The following SLC9A9 variants were observed in gnomAD, a reference collection of about 807,000 sequenced individuals.
SLC9A9 encodes solute carrier family 9 member A9, also known as sodium/hydrogen exchanger 9.
Under a neutral mutation model 77.8 loss-of-function variants are expected in SLC9A9, and 62 were observed. The ratio of observed to expected loss-of-function variants is 0.80; its 90% CI spans 0.65 to 0.98. The LOEUF (loss-of-function observed/expected upper bound fraction) is 0.98. Ranked by LOEUF, SLC9A9 falls within the 50% of genes least tolerant of loss-of-function variation. The pLI is 0.00. For missense variants in SLC9A9, 775 were observed against 774.9 expected, an observed-to-expected ratio of 1.00 and a Z score of 0.00; for synonymous variants, 320 against 283.5, an observed-to-expected ratio of 1.13 and a Z score of -1.29.
chr3:143,566,249 C>T (rs1183233255), intron 8 of SLC9A9, among the ~76,000 whole-genome samples: 1 of 152,144 alleles, frequency 6.6e-6, no homozygotes, highest in Non-Finnish European at 1.5e-5. Context: ...ATACATAGCA[C>T]CTGAGTTCCA....
intron 6 of SLC9A9, among the ~76,000 whole-genome samples, chr3:143,607,472 T>C (rs998314038): frequency 5.3e-5 from 8 of 152,078 alleles, no homozygotes; most frequent in African/African-American, 1.9e-4. Context: ...CACTAGCAAA[T>C]TGATAGCATA....
At chr3:143,473,481 C>T (rs770052004) in intron 11 of SLC9A9, among the ~76,000 whole-genome samples, 2 of 152,186 alleles carry the variant, frequency 1.3e-5, no homozygotes, top group Non-Finnish European at 2.9e-5. Context: ...GCCATGGCCT[C>T]ACCATTAATT....
intron 6 of SLC9A9, among the ~76,000 whole-genome samples, chr3:143,616,220 C>A (rs925244916): frequency 6.6e-6 from 1 of 152,160 alleles, no homozygotes; most frequent in Non-Finnish European, 1.5e-5. Flanking sequence ...ATTCTGCTTT[C>A]ATTCACTTTT....
chr3:143,464,044 C>A (rs2035241075), intron 12 of SLC9A9, among the ~76,000 whole-genome samples: 1 of 151,972 alleles, frequency 6.6e-6, no homozygotes, highest in South Asian at 2.1e-4. Context: ...CAAATAATTT[C>A]AGAGAAAAAA....
Position 143,639,544 on chromosome 3 carries a change from TCA to T in SLC9A9, c.755+12709_755+12710del, listed in dbSNP as rs144323764. On this transcript the variant is annotated intron_variant, in intron 6 of 15. Transcript: ENST00000316549. The stretch of plus-strand genomic sequence containing the variant: ...AAAGGATTGGGTAGTCATAAAAGAA[TCA>T]CAGAATCAAACACTGCTAGTCTTCT... Among the ~76,000 whole-genome samples the T allele has an allele frequency of 4.0e-3, 613 of 152,304 alleles. 2 individuals carry two copies. Among genetic ancestry groups the T allele is most frequent in the African/African-American group, 0.012 (497 of 41,560 alleles).
In SLC9A9 at chr3:143,266,524, A is replaced by ATAAT; in HGVS notation, c.*174_*177dup. 1.5e-6 allele frequency: 1 copy of ATAAT among 671,624 alleles called. No homozygotes were observed. Among genetic ancestry groups the ATAAT allele is most frequent in the Admixed American group, 2.4e-5 (1 of 41,970 alleles). 41.6% of individuals were successfully genotyped at this position (671,624 alleles called of 1,614,324 possible). ...AAATTCATTTGCATAATAGAGAGGG[A>ATAAT]TAATAAAATCTCATTTCTTCAGGCA... On this transcript the variant is annotated 3_prime_UTR_variant, in exon 16 of 16. Transcript: ENST00000316549.
intron 14 of SLC9A9, among the ~76,000 whole-genome samples, chr3:143,324,590 G>A (rs1166559166): frequency 2.6e-5 from 4 of 152,198 alleles, no homozygotes; most frequent in African/African-American, 9.7e-5. Context: ...GGGAGGCTGA[G>A]GTGGGCAGAT....
intron 13 of SLC9A9, among the ~76,000 whole-genome samples, chr3:143,374,643 T>G (rs897949270): frequency 6.6e-6 from 1 of 151,978 alleles, no homozygotes; most frequent in Non-Finnish European, 1.5e-5. Context: ...TCAAAACAAT[T>G]TTTTTGTGGG....
intron 4 of SLC9A9, among the ~76,000 whole-genome samples, chr3:143,708,798 AG>A (rs1356621804): frequency 6.6e-6 from 1 of 152,176 alleles, no homozygotes; most frequent in Non-Finnish European, 1.5e-5. Flanking sequence ...CTAGGTGCTA[AG>A]GGGTTCAGAA....
At chr3:143,670,743 T>C (rs911100399) in intron 5 of SLC9A9, among the ~76,000 whole-genome samples, 6 of 152,368 alleles carry the variant, frequency 3.9e-5, no homozygotes, top group East Asian at 1.9e-4. Flanking sequence ...TTTAGACTAC[T>C]GCCAGTTGTC....
chr3:143,549,490 T>C (rs75997743), intron 9 of SLC9A9, among the ~76,000 whole-genome samples: 7,855 of 152,234 alleles, frequency 0.052, 338 homozygotes, highest in African/African-American at 0.11. Context: ...TTATTAAGCT[T>C]CTGCTATGAT....
chr3:143,408,736 A>G (rs1317553867), intron 12 of SLC9A9, among the ~76,000 whole-genome samples: 2 of 152,260 alleles, frequency 1.3e-5, no homozygotes, highest in Non-Finnish European at 1.5e-5. Context: ...CATGAGTATC[A>G]TAACAAGCAA....
chr3:143,379,534 A>G (rs2033254824), intron 13 of SLC9A9, among the ~76,000 whole-genome samples: 1 of 152,214 alleles, frequency 6.6e-6, no homozygotes, highest in South Asian at 2.1e-4. Context: ...CTTACAGTAT[A>G]CTTCTTAAAA....
chr3:143,776,736 C>T (rs1167901393), intron 4 of SLC9A9, among the ~76,000 whole-genome samples: 1 of 152,088 alleles, frequency 6.6e-6, no homozygotes, highest in Non-Finnish European at 1.5e-5. Context: ...GGTTATTTTA[C>T]TAGAACAGAA....
chr3:143,326,160 C>G (rs2031597234), intron 14 of SLC9A9, among the ~76,000 whole-genome samples: 1 of 152,128 alleles, frequency 6.6e-6, no homozygotes, highest in Non-Finnish European at 1.5e-5. Context: ...CAGACCCACA[C>G]TAGATCTCAA....
chr3:143,796,189 G>A lies in SLC9A9; in HGVS notation c.456+637C>T, dbSNP rs967164083. Among the ~76,000 whole-genome samples, 4 of 152,166 alleles carry A rather than the reference G, an allele frequency of 2.6e-5. No individual in the cohort carries two copies. The East Asian group carries it at 7.7e-4, about 29-fold the overall frequency. On this transcript the variant is annotated intron_variant, in intron 3 of 15. Transcript: ENST00000316549. ...TGTACAAAATGTGCATAGTCAGGCC[G>A]TGCTCAAGTACTGTTAGACAAGTGC...
At chr3:143,744,511 A>C (rs764515462) in intron 4 of SLC9A9, among the ~76,000 whole-genome samples, 10 of 152,164 alleles carry the variant, frequency 6.6e-5, no homozygotes, top group African/African-American at 2.4e-4. Flanking sequence ...ATAATAAAAT[A>C]TCTCTCTCTT....
chr3:143,804,449 C>T (rs1346415791), intron 2 of SLC9A9, among the ~76,000 whole-genome samples: 3 of 152,150 alleles, frequency 2.0e-5, no homozygotes, highest in South Asian at 2.1e-4. Flanking sequence ...CCCCATCAGT[C>T]CCCATTACAA....
At chr3:143,617,681 T>A (rs2038129879) in intron 6 of SLC9A9, among the ~76,000 whole-genome samples, 1 of 152,210 alleles carries the variant, frequency 6.6e-6, no homozygotes, top group Non-Finnish European at 1.5e-5. Flanking sequence ...GCAGTTGCCT[T>A]AAGGTGGGGA....
Sources: gnomAD v4.1 joint callset for allele counts (sites outside exome capture counted in the v4.1 genomes callset) on GRCh38, gnomAD v4.1.1 for gene constraint, MANE v1.5 for transcripts, NCBI Gene and HGNC (gene_info 2026-07-23, HGNC 2026-07-21) for gene names.